Variants in TDRD3 observed in about 807,000 individuals in gnomAD.
TDRD3 encodes the protein tudor domain-containing protein 3.
TDRD3 carries 45 observed loss-of-function variants against 86.7 expected under a neutral mutation model. That is an observed-to-expected ratio of 0.52 (90% CI 0.41 to 0.67). The LOEUF is 0.67. Among genes scored for constraint, TDRD3 ranks in the 30% least tolerant of loss-of-function variants. The probability of loss-of-function intolerance (pLI) is 0.00; values close to 1 mark genes in which losing one functional copy is unlikely to be tolerated. For synonymous variants in TDRD3, 298 were observed against 301.7 expected, an observed-to-expected ratio of 0.99 and a Z score of 0.13; for missense variants, 814 against 889.0, an observed-to-expected ratio of 0.92 and a Z score of 1.07.
chr13:60,456,363 GAGA>G (rs1955670219), intron 3 of TDRD3, among the ~76,000 whole-genome samples: 1 of 152,148 alleles, frequency 6.6e-6, no homozygotes, highest in Non-Finnish European at 1.5e-5. Flanking sequence ...TCTACCTCAG[GAGA>G]AGAAGGAATG....
At chr13:60,508,470 C>A (rs1956985008) in intron 8 of TDRD3, among the ~76,000 whole-genome samples, 1 of 152,166 alleles carries the variant, frequency 6.6e-6, no homozygotes, top group Non-Finnish European at 1.5e-5. Context: ...CACCACACAT[C>A]TGCAACCATA....
intron 11 of TDRD3, among the ~76,000 whole-genome samples, 163 bp from the exon 12 acceptor site, chr13:60,534,945 A>T (rs1241900569): frequency 1.3e-5 from 2 of 151,754 alleles, no homozygotes; most frequent in Non-Finnish European, 2.9e-5. Flanking sequence ...AAAAAAAAAA[A>T]AAAGAATTGT....
chr13:60,506,602 C>T (rs574904742), intron 8 of TDRD3, among the ~76,000 whole-genome samples: 1 of 152,082 alleles, frequency 6.6e-6, no homozygotes, highest in Non-Finnish European at 1.5e-5. Context: ...ACTAAAAATA[C>T]AAAAACTAGC....
At chr13:60,511,399 A>G (rs1957057992) in intron 10 of TDRD3, among the ~76,000 whole-genome samples, 2 of 152,210 alleles carry the variant, frequency 1.3e-5, no homozygotes, top group Admixed American at 1.3e-4. Context: ...ACAAATATGA[A>G]ATGTTCAGAT....
At chr13:60,510,081 C>G (rs1957025150) in intron 9 of TDRD3, among the ~76,000 whole-genome samples, 162 bp downstream of exon 9, 1 of 152,132 alleles carries the variant, frequency 6.6e-6, no homozygotes, top group African/African-American at 2.4e-5. Context: ...TTTGTAGTCT[C>G]AGTCTCATTG....
Position 60,528,781 on chromosome 13 carries a change from A to T in TDRD3, c.1556A>T (p.Asn519Ile), listed in dbSNP as rs1566276186. Reference protein sequence around the residue: ...KGPSFAEAKENPLPQGSVDYN... With the variant: ...KGPSFAEAKEIPLPQGSVDYN... Reference sequence around the variant, plus strand: ...CCCTCCTTTGCAGAGGCAAAAGAAAATCCACTTCCTCAAGGATCTGTAGAT... The same window carrying T: ...CCCTCCTTTGCAGAGGCAAAAGAAATTCCACTTCCTCAAGGATCTGTAGAT... Residue 519 changes from asparagine to isoleucine, a missense_variant, in exon 11 of 14, where the codon AAT becomes ATT. Transcript: ENST00000377881. 1 of 1,613,866 alleles carries T rather than the reference A, an allele frequency of 6.2e-7. No homozygotes were observed. Among genetic ancestry groups the T allele is most frequent in the Non-Finnish European group, 8.5e-7 (1 of 1,179,910 alleles).
intron 8 of TDRD3, among the ~76,000 whole-genome samples, chr13:60,502,003 A>G (rs1163390489): frequency 6.6e-6 from 1 of 152,240 alleles, no homozygotes; most frequent in Non-Finnish European, 1.5e-5. Flanking sequence ...GGTAACGTGT[A>G]TAACCCTACT....
rs113668776 is a variant in TDRD3 at position 60,417,351 on chromosome 13, A to ATTTT, written c.41+19960_41+19963dup. On this transcript the variant is annotated intron_variant, in intron 1 of 13. Coordinates refer to ENST00000377881, the MANE Select transcript of TDRD3 (RefSeq NM_001146070.2). The stretch of plus-strand genomic sequence containing the variant: ...TGCTTTCATGATTTAAACTAATTTC[A>ATTTT]TTTTTTTTTTTTTTTTTGAGATGGA... Among the ~76,000 whole-genome samples the ATTTT allele has an allele frequency of 4.9e-5, 6 of 122,994 alleles. No homozygotes were observed. In the East Asian group the frequency reaches 1.2e-3, roughly 25 times the overall value. The allele number at this position is 122,994 out of a possible 152,430, so 80.7% of individuals were successfully genotyped here. A position where few individuals can be genotyped will look rare whatever the true frequency, so the allele number is the denominator to read the frequency against.
chr13:60,466,680 C>G (rs774789059), intron 4 of TDRD3, among the ~76,000 whole-genome samples: 1 of 151,886 alleles, frequency 6.6e-6, no homozygotes, highest in Non-Finnish European at 1.5e-5. Flanking sequence ...CCCAGCTACT[C>G]GAAAGGCTGA....
Position 60,554,853 on chromosome 13 carries a change from C to A in TDRD3, c.2119-12672C>A, listed in dbSNP as rs796806259. ...TCCAGATTGTAATCAGTTCCCCCAA[C>A]CTCTGTTGAACATCTCAGATGTTTC... On this transcript the variant is annotated intron_variant, in intron 12 of 13. Coordinates refer to ENST00000377881, the MANE Select transcript of TDRD3 (RefSeq NM_001146070.2). Among the ~76,000 whole-genome samples the A allele has an allele frequency of 2.6e-5, 4 of 152,260 alleles. No homozygotes were observed. The South Asian group carries it at 6.2e-4, about 24-fold the overall frequency.
intron 12 of TDRD3, among the ~76,000 whole-genome samples, chr13:60,549,367 A>G (rs1957996531): frequency 6.6e-6 from 1 of 152,134 alleles, no homozygotes; most frequent in South Asian, 2.1e-4. Flanking sequence ...CTGTGTCATC[A>G]TAGTGACTAT....
Position 60,529,135 on chromosome 13 carries a change from T to G in TDRD3, c.1910T>G (p.Leu637Arg), listed in dbSNP as rs1957524948. 1 of 1,613,832 alleles carries G rather than the reference T, an allele frequency of 6.2e-7. No individual in the cohort carries two copies. The highest frequency in any genetic ancestry group is 1.3e-5 in the African/African-American group (1 of 74,926). ...GGGCCAATTAAGCCAGAAAAAATAC[T>G]AGAATCATCTATTCCTATGGAGTAT... ...RSGPIKPEKI[L>R]ESSIPMEYAK... is the part of the protein sequence containing the mutation. The change falls in exon 11 of 14, where the codon CTA (leucine) becomes CGA (arginine). Residue 637 changes from leucine to arginine, a missense_variant. Coordinates refer to ENST00000377881, the MANE Select transcript of TDRD3 (RefSeq NM_001146070.2).
At chr13:60,535,838 A>T (rs1957687637) in intron 12 of TDRD3, 1 of 152,170 alleles carries the variant, frequency 6.6e-6, no homozygotes, top group Admixed American at 6.5e-5. Flanking sequence ...CATGGAGTCC[A>T]TTTTATAAAG....
At chr13:60,509,506 A>G (rs1957012261) in intron 8 of TDRD3, 2 of 407,422 alleles carry the variant, frequency 4.9e-6, no homozygotes, top group Non-Finnish European at 9.0e-6. Flanking sequence ...ACTCTAACAT[A>G]TCATAAAATT....
At chr13:60,499,872 A>T (rs903754246) in intron 8 of TDRD3, among the ~76,000 whole-genome samples, 3 of 152,226 alleles carry the variant, frequency 2.0e-5, no homozygotes, top group African/African-American at 7.2e-5. Context: ...CGGATTTATC[A>T]AGTGACCCAA....
Position 60,565,041 on chromosome 13 carries a change from C to CTTTTTTTTTTTTTTTTTTTTTTTTT in TDRD3, c.2119-2476_2119-2452dup. 2.8e-5 allele frequency among the ~76,000 whole-genome samples: 2 copies of CTTTTTTTTTTTTTTTTTTTTTTTTT among 70,852 alleles called. 1 individual carries two copies. Among genetic ancestry groups the CTTTTTTTTTTTTTTTTTTTTTTTTT allele is most frequent in the Non-Finnish European group, 4.8e-5 (2 of 41,784 alleles). 46.5% of individuals were successfully genotyped at this position (70,852 alleles called of 152,430 possible). A position where few individuals can be genotyped will look rare whatever the true frequency, so the allele number is the denominator to read the frequency against. ...GAACTGAAAACCAAACTATCAGTAT[C>CTTTTTTTTTTTTTTTTTTTTTTTTT]TTTTTTTTTTTTTTTTTTTTTTTTT... On this transcript the variant is annotated intron_variant, in intron 12 of 13. Transcript: ENST00000377881.
chr13:60,497,575 G>A (rs1956745594), intron 8 of TDRD3, among the ~76,000 whole-genome samples: 2 of 152,166 alleles, frequency 1.3e-5, no homozygotes, highest in Non-Finnish European at 2.9e-5. Flanking sequence ...AGAAAAAGCT[G>A]AAATTGTGGA....
At chr13:60,482,026 T>C (rs1163912345) in intron 5 of TDRD3, among the ~76,000 whole-genome samples, 2 of 152,042 alleles carry the variant, frequency 1.3e-5, no homozygotes, top group Non-Finnish European at 1.5e-5. Flanking sequence ...GTCCAAAGAG[T>C]TTTTAGTCTG....
chr13:60,476,319 A>G (rs904989466), intron 5 of TDRD3, among the ~76,000 whole-genome samples: 2 of 151,864 alleles, frequency 1.3e-5, no homozygotes, highest in Non-Finnish European at 2.9e-5. Flanking sequence ...ATTGTTTGTT[A>G]TTGTCAGCTG....
Sources: allele counts gnomAD v4.1 joint callset (sites outside exome capture counted in the v4.1 genomes callset), GRCh38; gene constraint gnomAD v4.1.1; transcripts MANE v1.5; gene names NCBI Gene and HGNC (gene_info 2026-07-23, HGNC 2026-07-21).